TYR: variants seen among roughly 807,000 people sequenced by gnomAD.
The protein encoded by TYR is LB24-AB.
TYR carries 58 observed loss-of-function variants against 51.5 expected under a neutral mutation model. The observed-to-expected ratio is 1.13, with a 90% CI of 0.91 to 1.40. The LOEUF (loss-of-function observed/expected upper bound fraction) is 1.40, where lower values mean the gene tolerates loss of function less well. TYR is among the 40% of genes most tolerant of loss of function. The pLI is 0.00. For missense variants in TYR, 732 were observed against 647.4 expected, an observed-to-expected ratio of 1.13 and a Z score of -1.42; for synonymous variants, 263 against 235.2, an observed-to-expected ratio of 1.12 and a Z score of -1.08.
At chr11:89,225,099 CT>C in intron 2 of TYR, among the ~76,000 whole-genome samples, 1 of 151,444 alleles carries the variant, frequency 6.6e-6, no homozygotes, top group East Asian at 1.9e-4. Flanking sequence ...ATTGATATAC[CT>C]ATTTTTGTTA....
At position 89,295,561 on chromosome 11, in the gene TYR, C is replaced by T; in HGVS notation, c.*195C>T. 1 of 663,572 alleles carries T rather than the reference C, an allele frequency of 1.5e-6. No individual in the cohort carries two copies. Among genetic ancestry groups the T allele is most frequent in the Non-Finnish European group, 2.6e-6 (1 of 391,866 alleles). 41.1% of individuals were successfully genotyped at this position (663,572 alleles called of 1,614,324 possible). A position where few individuals can be genotyped will look rare whatever the true frequency, so the allele number is the denominator to read the frequency against. ...TTTGTCTTGCTGTTTTCACTCAGCCCTTTTAACATTTTCCCCTAAGCCCAT... is the reference window on the plus strand; with the variant it reads ...TTTGTCTTGCTGTTTTCACTCAGCCTTTTTAACATTTTCCCCTAAGCCCAT... On this transcript the variant is annotated 3_prime_UTR_variant, in exon 5 of 5. Transcript: ENST00000263321.
intron 3 of TYR, among the ~76,000 whole-genome samples, chr11:89,280,851 T>A (rs1011426775): frequency 7.9e-5 from 12 of 151,742 alleles, no homozygotes; most frequent in African/African-American, 2.7e-4. Context: ...TAAATGTTTG[T>A]CCTAGTTGTT....
intron 2 of TYR, among the ~76,000 whole-genome samples, chr11:89,192,473 T>C (rs1326748652): frequency 6.6e-6 from 1 of 152,140 alleles, no homozygotes; most frequent in East Asian, 1.9e-4. Context: ...TTCCTCTCTT[T>C]TGTAATCCTT....
intron 3 of TYR, among the ~76,000 whole-genome samples, chr11:89,244,703 C>T (rs925278024): frequency 2.6e-5 from 4 of 152,132 alleles, no homozygotes; most frequent in African/African-American, 9.7e-5. Context: ...TTTGCACATT[C>T]CCATTCAAGA....
chr11:89,293,182 T>C (rs541824211), intron 4 of TYR, among the ~76,000 whole-genome samples: 1 of 152,292 alleles, frequency 6.6e-6, no homozygotes, highest in East Asian at 1.9e-4. Context: ...TTGAAATGTA[T>C]GGCTTCAGGA....
intron 1 of TYR, among the ~76,000 whole-genome samples, chr11:89,190,405 C>G (rs1413729221): frequency 6.6e-6 from 1 of 151,986 alleles, no homozygotes; most frequent in Non-Finnish European, 1.5e-5. Context: ...GCTTGTGTCT[C>G]AGTTTTTAAC....
intron 3 of TYR, among the ~76,000 whole-genome samples, chr11:89,230,697 T>C (rs749440138): frequency 6.6e-6 from 1 of 152,006 alleles, no homozygotes; most frequent in Non-Finnish European, 1.5e-5. Context: ...ATAGAAAAAC[T>C]AATTTTAAAA....
intron 3 of TYR, among the ~76,000 whole-genome samples, chr11:89,283,014 GAATA>G (rs907706585): frequency 6.6e-6 from 1 of 151,680 alleles, no homozygotes; most frequent in Non-Finnish European, 1.5e-5. Flanking sequence ...CCATTTTGTA[GAATA>G]AAGAAGATCA....
At chr11:89,256,839 G>T (rs1365885839) in intron 3 of TYR, among the ~76,000 whole-genome samples, 2 of 151,916 alleles carry the variant, frequency 1.3e-5, no homozygotes, top group Non-Finnish European at 2.9e-5. Context: ...TCACAGGGCA[G>T]TAATTCAAAC....
At chr11:89,240,459 G>A (rs1332458766) in intron 3 of TYR, among the ~76,000 whole-genome samples, 2 of 151,876 alleles carry the variant, frequency 1.3e-5, no homozygotes, top group Non-Finnish European at 1.5e-5. Context: ...TTTTATTATT[G>A]CATTGTATAG....
intron 3 of TYR, among the ~76,000 whole-genome samples, chr11:89,246,461 G>GC (rs1944269110): frequency 6.6e-6 from 1 of 152,120 alleles, no homozygotes; most frequent in African/African-American, 2.4e-5. Context: ...AATATTCAAT[G>GC]CTTTTGTTCT....
chr11:89,246,435 A>G (rs1196497677), intron 3 of TYR, among the ~76,000 whole-genome samples: 1 of 152,224 alleles, frequency 6.6e-6, no homozygotes, highest in Non-Finnish European at 1.5e-5. Flanking sequence ...GAGCTAAAGT[A>G]TAAGGGGCTT....
At chr11:89,213,812 C>T (rs982961604) in intron 2 of TYR, among the ~76,000 whole-genome samples, 1 of 152,176 alleles carries the variant, frequency 6.6e-6, no homozygotes, top group Admixed American at 6.5e-5. Context: ...ACAGATCTTT[C>T]ACAAACCTGA....
intron 3 of TYR, among the ~76,000 whole-genome samples, chr11:89,284,484 T>C (rs971792157): frequency 5.9e-5 from 9 of 151,900 alleles, no homozygotes; most frequent in African/African-American, 2.2e-4. Context: ...AATAGTTACC[T>C]TTATTTTGCA....
At chr11:89,225,066 A>AT (rs1346765910) in intron 2 of TYR, among the ~76,000 whole-genome samples, 4 of 151,770 alleles carry the variant, frequency 2.6e-5, no homozygotes, top group Admixed American at 2.0e-4. Flanking sequence ...GCAGTTATTT[A>AT]TTTTTTTAAA....
intron 3 of TYR, among the ~76,000 whole-genome samples, chr11:89,274,017 A>AT (rs35663695): frequency 0.26 from 38,863 of 151,792 alleles, 5,233 homozygotes; most frequent in Non-Finnish European, 0.31. Flanking sequence ...ATTCTGAAGT[A>AT]TTAAGAGTTA....
chr11:89,287,601 A>C (rs186754182), intron 4 of TYR, among the ~76,000 whole-genome samples: 1 of 152,070 alleles, frequency 6.6e-6, no homozygotes, highest in Non-Finnish European at 1.5e-5. Flanking sequence ...ATGAAGTGAT[A>C]CTTCAGATGA....
chr11:89,185,992 G>A (rs1943367335), intron 1 of TYR, among the ~76,000 whole-genome samples: 1 of 152,058 alleles, frequency 6.6e-6, no homozygotes, highest in South Asian at 2.1e-4. Context: ...TACTTTTAAA[G>A]TCAGAGTCAA....
rs376462786 is a variant in TYR, at chr11:89,224,543, G to C, written c.1037-3280G>C. 2.3e-4 allele frequency among the ~76,000 whole-genome samples: 35 copies of C among 152,264 alleles called. 2 individuals carry two copies. Among genetic ancestry groups the C allele is most frequent in the African/African-American group, 8.4e-4 (35 of 41,562 alleles). On this transcript the variant is annotated intron_variant, in intron 2 of 4. Transcript: ENST00000263321. ...TTCTAAGGGGTACATGGTGCAGAGA[G>C]TTTTAAGAAAATTTATTTTTAGCTC... is the stretch of plus-strand genomic sequence containing the variant.
Sources: allele counts gnomAD v4.1 joint callset (sites outside exome capture counted in the v4.1 genomes callset), GRCh38; gene constraint gnomAD v4.1.1; transcripts MANE v1.5; gene names NCBI Gene and HGNC (gene_info 2026-07-23, HGNC 2026-07-21).